The following QSER1 variants were observed in gnomAD, a reference collection of about 807,000 sequenced individuals.
The protein encoded by QSER1 is glutamine and serine rich 1.
QSER1 carries 49 observed loss-of-function variants against 158.5 expected under a neutral mutation model. The ratio of observed to expected loss-of-function variants is 0.31; its 90% CI spans 0.25 to 0.39. The LOEUF is 0.39. Among genes scored for constraint, QSER1 ranks in the 10% least tolerant of loss-of-function variants. QSER1 has a pLI of 1.00. For missense variants in QSER1, 1,754 were observed against 2,010.3 expected (o/e 0.87, Z 2.44); for synonymous variants, 650 against 715.5 (o/e 0.91, Z 1.46).
intron 4 of QSER1, among the ~76,000 whole-genome samples, chr11:32,947,817 T>G (rs961771256): frequency 6.6e-6 from 1 of 152,224 alleles, no homozygotes; most frequent in Non-Finnish European, 1.5e-5. Flanking sequence ...TGCATAAAAT[T>G]TTACTACAGT....
intron 1 of QSER1, among the ~76,000 whole-genome samples, chr11:32,921,460 C>T (rs994288812): frequency 6.6e-6 from 1 of 152,170 alleles, no homozygotes; most frequent in African/African-American, 2.4e-5. Flanking sequence ...CTAAAAACCA[C>T]TGATTAGCAT....
Position 32,923,485 on chromosome 11 carries a change from C to T in QSER1, c.210-3672C>T, listed in dbSNP as rs1851923658. ...GGTCAGGAGTTTAAGACCAGCCTGA[C>T]CAACATGGCAAAACCCCGTCTCTAC... On this transcript the variant is annotated intron_variant, in intron 1 of 12. Transcript: ENST00000650167. Among the ~76,000 whole-genome samples the T allele has an allele frequency of 2.7e-5, 4 of 150,202 alleles. No individual in the cohort carries two copies. The South Asian group carries it at 8.4e-4, about 32-fold the overall frequency.
chr11:32,970,803 T>G (rs945350821), intron 10 of QSER1, among the ~76,000 whole-genome samples: 7 of 152,174 alleles, frequency 4.6e-5, no homozygotes, highest in African/African-American at 1.4e-4. Context: ...CATTTTTAGA[T>G]AGGTGTTTTC....
At position 32,938,570 on chromosome 11, in the gene QSER1, C is replaced by CT. The variant is rs1852186312; in HGVS notation, c.4177+3136dup. Among the ~76,000 whole-genome samples, 9 of 152,266 alleles carry CT rather than the reference C, an allele frequency of 5.9e-5. No homozygotes were observed. The South Asian group carries it at 1.9e-3, about 32-fold the overall frequency. ...AACGTGAGTATATCTTCCACTGATG[C>CT]TAGTTTCCAAATACTTGTAATATTT... On this transcript the variant is annotated intron_variant, in intron 4 of 12. Coordinates refer to ENST00000650167, the MANE Select transcript of QSER1 (RefSeq NM_001076786.3).
rs1035998266 is a variant in QSER1 at position 32,893,352 on chromosome 11, C to A, written c.209+18C>A. The A allele has an allele frequency of 1.6e-4, 24 of 152,624 alleles. No individual in the cohort carries two copies. Among genetic ancestry groups the A allele is most frequent in the African/African-American group, 5.5e-4 (23 of 41,538 alleles). 9.5% of individuals were successfully genotyped at this position (152,624 alleles called of 1,614,324 possible). ...AAGGCCAGGTAGGGAGGGTGGGCGG[C>A]GGGGTCGCGGTGGACCAGGAAAGGC... On this transcript the variant is annotated intron_variant, in intron 1 of 12. Coordinates refer to ENST00000650167, the MANE Select transcript of QSER1 (RefSeq NM_001076786.3). This position sits in a 1 kb window ranked among gnomAD's most constrained non-coding sequence, Gnocchi z 4.7.
chr11:32,928,963 A>G (rs1852010243), intron 3 of QSER1, among the ~76,000 whole-genome samples: 1 of 152,068 alleles, frequency 6.6e-6, no homozygotes, highest in Admixed American at 6.5e-5. Context: ...ATTTAGTTAG[A>G]TTTTCCTATC....
chr11:32,912,110 C>T (rs369243708), intron 1 of QSER1, among the ~76,000 whole-genome samples: 7 of 152,284 alleles, frequency 4.6e-5, no homozygotes, highest in East Asian at 1.9e-4. Flanking sequence ...CAATTTGTAA[C>T]GATCCCCAAT....
At chr11:32,916,899 G>A (rs1312136044) in intron 1 of QSER1, among the ~76,000 whole-genome samples, 1 of 151,908 alleles carries the variant, frequency 6.6e-6, no homozygotes, top group Non-Finnish European at 1.5e-5. Context: ...CGATTCTCCT[G>A]CCTCAGCCTC....
intron 12 of QSER1, among the ~76,000 whole-genome samples, chr11:32,976,086 GA>G (rs1852972193): frequency 6.6e-6 from 1 of 152,096 alleles, no homozygotes; most frequent in Non-Finnish European, 1.5e-5. Context: ...ATGCAGAATC[GA>G]CTCCAAAATT....
At chr11:32,946,107 T>G (rs949971316) in intron 4 of QSER1, among the ~76,000 whole-genome samples, 4 of 152,142 alleles carry the variant, frequency 2.6e-5, no homozygotes, top group Non-Finnish European at 5.9e-5. Flanking sequence ...TAAGCACTTC[T>G]CTGTATTGGT....
chr11:32,938,029 T>C (rs1221020303), intron 4 of QSER1, among the ~76,000 whole-genome samples: 1 of 152,242 alleles, frequency 6.6e-6, no homozygotes, highest in Middle Eastern at 3.2e-3. Flanking sequence ...TTTTAATGTG[T>C]TCATTTACAT....
At chr11:32,963,604 G>C (rs1327833534) in intron 8 of QSER1, among the ~76,000 whole-genome samples, 1 of 151,892 alleles carries the variant, frequency 6.6e-6, no homozygotes, top group Non-Finnish European at 1.5e-5. Flanking sequence ...ACCCGCCTCG[G>C]CCTCCCAAAA....
intron 1 of QSER1, among the ~76,000 whole-genome samples, chr11:32,903,970 T>C (rs543738929): frequency 1.1e-4 from 16 of 152,132 alleles, no homozygotes; most frequent in Non-Finnish European, 1.8e-4. Flanking sequence ...AAAAAACTTA[T>C]CTGTTCCTTG....
At chr11:32,966,038 A>C (rs967459078) in intron 8 of QSER1, among the ~76,000 whole-genome samples, 4 of 151,068 alleles carry the variant, frequency 2.6e-5, no homozygotes, top group African/African-American at 9.7e-5. Context: ...TCATCACCCT[A>C]CCACGACCAC....
At chr11:32,960,812 TC>T (rs1852610066) in intron 8 of QSER1, among the ~76,000 whole-genome samples, 1 of 152,192 alleles carries the variant, frequency 6.6e-6, no homozygotes, top group Non-Finnish European at 1.5e-5. Context: ...GCCTTTTTGT[TC>T]CTTGCTTTAC....
chr11:32,969,150 C>T lies in QSER1; in HGVS notation c.5205+7C>T, dbSNP rs1761157992. 2 of 1,521,350 alleles carry T rather than the reference C, an allele frequency of 1.3e-6. No individual in the cohort carries two copies. The highest frequency in any genetic ancestry group is 3.6e-5 in the Admixed American group (2 of 55,352). 94.2% of individuals were successfully genotyped at this position (1,521,350 alleles called of 1,614,324 possible). A position where few individuals can be genotyped will look rare whatever the true frequency, so the allele number is the denominator to read the frequency against. ...TTTGGATCAATCATTCAAGGTATTTCCTTCTGATGACTTATTAGCAAAACT... is the reference window on the plus strand; with the variant it reads ...TTTGGATCAATCATTCAAGGTATTTTCTTCTGATGACTTATTAGCAAAACT... On this transcript the variant is annotated splice_region_variant and intron_variant, in intron 10 of 12. Transcript: ENST00000650167.
At chr11:32,945,854 C>G (rs1488024857) in intron 4 of QSER1, among the ~76,000 whole-genome samples, 2 of 151,946 alleles carry the variant, frequency 1.3e-5, no homozygotes, top group Non-Finnish European at 2.9e-5. Flanking sequence ...TTCCATTCTC[C>G]CCATCACTTT....
At chr11:32,972,818 T>G (rs1852893109) in intron 10 of QSER1, among the ~76,000 whole-genome samples, 1 of 152,162 alleles carries the variant, frequency 6.6e-6, no homozygotes, top group Admixed American at 6.5e-5. Flanking sequence ...TGTTTTAGGA[T>G]CTTATCTTAC....
chr11:32,934,749 C>T lies in QSER1; in HGVS notation c.3491C>T (p.Ser1164Leu). 1 of 1,613,882 alleles carries T rather than the reference C, an allele frequency of 6.2e-7. No individual in the cohort carries two copies. The highest frequency in any genetic ancestry group is 1.1e-5 in the South Asian group (1 of 91,048). The change falls in exon 4 of 13, where the codon TCA becomes TTA. Residue 1164 changes from serine (S) to leucine (L), a missense_variant. Transcript: ENST00000650167. ...FTLGGDDSGV[S>L]MNPARSALAL... ...TTAGGGGGTGACGACAGTGGTGTGTCAATGAACCCAGCTAGGAGTGCACTT... is the reference window on the plus strand; with the variant it reads ...TTAGGGGGTGACGACAGTGGTGTGTTAATGAACCCAGCTAGGAGTGCACTT...
Sources: allele counts gnomAD v4.1 joint callset (sites outside exome capture counted in the v4.1 genomes callset), GRCh38; gene constraint gnomAD v4.1.1; non-coding constraint Gnocchi (gnomAD v3.1); transcripts MANE v1.5; gene names NCBI Gene and HGNC (gene_info 2026-07-23, HGNC 2026-07-21).